The following TEAD1 variants were observed in gnomAD, a reference collection of about 807,000 sequenced individuals.
TEAD1 encodes the protein TEA domain transcription factor 1, also known as transcriptional enhancer factor TEF-1.
Under a neutral mutation model 54.9 loss-of-function variants are expected in TEAD1, and 9 were observed. The ratio of observed to expected loss-of-function variants is 0.16; its 90% confidence interval spans 0.10 to 0.29. The LOEUF is 0.29. TEAD1 is among the 10% of genes least tolerant of loss of function. TEAD1 has a pLI of 1.00. For synonymous variants in TEAD1, 200 were observed against 187.8 expected (o/e 1.07, Z -0.53); for missense variants, 387 against 535.9 (o/e 0.72, Z 2.74).
intron 3 of TEAD1, among the ~76,000 whole-genome samples, chr11:12,849,813 A>T (rs1947231960): frequency 6.6e-6 from 1 of 152,166 alleles, no homozygotes; most frequent in Non-Finnish European, 1.5e-5. Context: ...CCTGCTATTT[A>T]TTCAGTGGAG....
chr11:12,911,922 T>C (rs2134143064), intron 10 of TEAD1, among the ~76,000 whole-genome samples: 1 of 152,256 alleles, frequency 6.6e-6, no homozygotes, highest in South Asian at 2.1e-4. Context: ...TGGCCTGTGT[T>C]CAGTGCTGCA....
chr11:12,777,015 ACTCCCGACCTCAGGTGATC>A (rs890238245), intron 3 of TEAD1, among the ~76,000 whole-genome samples: 2 of 151,374 alleles, frequency 1.3e-5, no homozygotes, highest in African/African-American at 4.9e-5. Context: ...CTGGTCTCTA[ACTCCCGACCTCAGGTGATC>A]CTCCTGCCTT....
intron 9 of TEAD1, among the ~76,000 whole-genome samples, chr11:12,887,182 C>T (rs1225006105): frequency 6.6e-5 from 10 of 150,916 alleles, no homozygotes; most frequent in African/African-American, 1.5e-4. Context: ...CTGCAAGCTC[C>T]GCCTCCCAGG....
chr11:12,847,618 C>T lies in TEAD1; in HGVS notation c.203-14632C>T, dbSNP rs73427623. On this transcript the variant is annotated intron_variant, in intron 3 of 12. Transcript: ENST00000527636. ...GGAGAAAAGACAAAAACTGATTTGC[C>T]CATGTAACGTTTTAATTTTTTACGG... 3.9e-3 allele frequency among the ~76,000 whole-genome samples: 589 copies of T among 152,214 alleles called. 6 individuals are homozygous for T. The highest frequency in any genetic ancestry group is 0.013 in the African/African-American group (539 of 41,532).
At chr11:12,826,622 C>T (rs752762083) in intron 3 of TEAD1, among the ~76,000 whole-genome samples, 1 of 152,176 alleles carries the variant, frequency 6.6e-6, no homozygotes, top group Non-Finnish European at 1.5e-5. Context: ...GTTTTGCAAA[C>T]CTTGGGTCAG....
At chr11:12,835,615 C>G (rs988747084) in intron 3 of TEAD1, among the ~76,000 whole-genome samples, 1 of 151,834 alleles carries the variant, frequency 6.6e-6, no homozygotes, top group African/African-American at 2.4e-5. Context: ...CCACCGTACC[C>G]GGTGGCTCTG....
intron 2 of TEAD1, among the ~76,000 whole-genome samples, chr11:12,727,218 G>A (rs1370893762): frequency 6.6e-6 from 1 of 152,136 alleles, no homozygotes; most frequent in Non-Finnish European, 1.5e-5. Context: ...CCAGCCTGGC[G>A]ACAGAAACAA....
chr11:12,883,334 T>C (rs1159070004), intron 9 of TEAD1, among the ~76,000 whole-genome samples: 4 of 152,190 alleles, frequency 2.6e-5, no homozygotes, highest in African/African-American at 9.7e-5. Flanking sequence ...GCAGGAGGTG[T>C]ATTACTGTCC....
chr11:12,880,171 C>A (rs942834412), intron 6 of TEAD1, among the ~76,000 whole-genome samples: 1 of 152,160 alleles, frequency 6.6e-6, no homozygotes, highest in Non-Finnish European at 1.5e-5. Flanking sequence ...TGGGCTCAGG[C>A]GTCTTCTCTC....
At chr11:12,889,031 G>A (rs1232503677) in intron 9 of TEAD1, among the ~76,000 whole-genome samples, 2 of 152,192 alleles carry the variant, frequency 1.3e-5, no homozygotes, top group South Asian at 2.1e-4. Flanking sequence ...GAGAACCAGC[G>A]AGTCAGTCCC....
chr11:12,860,188 C>T (rs879124204), intron 3 of TEAD1, among the ~76,000 whole-genome samples: 1 of 152,164 alleles, frequency 6.6e-6, no homozygotes, highest in South Asian at 2.1e-4. Flanking sequence ...AAATAAGGGA[C>T]TGGACTTCTT....
chr11:12,851,618 A>AC (rs1222087297), intron 3 of TEAD1, among the ~76,000 whole-genome samples: 2 of 150,260 alleles, frequency 1.3e-5, no homozygotes, highest in African/African-American at 4.9e-5. Flanking sequence ...ACATTGTGAA[A>AC]CCCCCTTGTG....
intron 5 of TEAD1, 53 bp from the exon 6 acceptor site, chr11:12,879,655 G>A: frequency 6.2e-7 from 1 of 1,613,250 alleles, no homozygotes; most frequent in Non-Finnish European, 8.5e-7. Flanking sequence ...TGTGTAACCT[G>A]CCTGGTAGCC....
At chr11:12,778,126 C>T (rs193295243) in intron 3 of TEAD1, among the ~76,000 whole-genome samples, 1 of 152,302 alleles carries the variant, frequency 6.6e-6, no homozygotes, top group Non-Finnish European at 1.5e-5. Flanking sequence ...TCTTACATTA[C>T]AGATGAGGAA....
At chr11:12,760,127 CTCATT>C (rs1194972548) in intron 2 of TEAD1, among the ~76,000 whole-genome samples, 2 of 152,224 alleles carry the variant, frequency 1.3e-5, no homozygotes, top group Non-Finnish European at 2.9e-5. Flanking sequence ...AGGAAGCTCT[CTCATT>C]TCTTCACCAT....
intron 2 of TEAD1, among the ~76,000 whole-genome samples, chr11:12,714,170 C>T (rs143292149): frequency 3.2e-4 from 48 of 152,178 alleles, no homozygotes; most frequent in African/African-American, 1.0e-3. Flanking sequence ...TTCATCAGGG[C>T]GGTAGCTGGG....
At chr11:12,680,990 T>C (rs1222160944) in intron 2 of TEAD1, among the ~76,000 whole-genome samples, 1 of 152,190 alleles carries the variant, frequency 6.6e-6, no homozygotes, top group Non-Finnish European at 1.5e-5. Flanking sequence ...TCTTGGGGGC[T>C]AACTGATTCT....
intron 2 of TEAD1, among the ~76,000 whole-genome samples, chr11:12,760,478 C>T (rs1229380493): frequency 6.6e-6 from 1 of 152,176 alleles, no homozygotes; most frequent in African/African-American, 2.4e-5. Flanking sequence ...CCCTCCCTTC[C>T]TCTCCTACCT....
intron 2 of TEAD1, among the ~76,000 whole-genome samples, chr11:12,703,560 C>T (rs897536482): frequency 2.0e-5 from 3 of 152,174 alleles, no homozygotes; most frequent in African/African-American, 7.2e-5. Flanking sequence ...TTTCTTTAGC[C>T]CATAAGTGTC....
Sources: allele counts gnomAD v4.1 joint callset (sites outside exome capture counted in the v4.1 genomes callset), GRCh38; gene constraint gnomAD v4.1.1; transcripts MANE v1.5; gene names NCBI Gene and HGNC (gene_info 2026-07-23, HGNC 2026-07-21).